POU2F3: variants seen among roughly 807,000 people sequenced by gnomAD.
The protein encoded by POU2F3 is POU domain, class 2, transcription factor 3.
Under a neutral mutation model 59.2 loss-of-function variants are expected in POU2F3, and 23 were observed. The ratio of observed to expected loss-of-function variants is 0.39; its 90% CI spans 0.28 to 0.55. The LOEUF is 0.55. POU2F3 is among the 20% of genes least tolerant of loss of function. The pLI, the probability that POU2F3 is intolerant of heterozygous loss-of-function variation, is 0.66. For missense variants in POU2F3, 473 were observed against 544.5 expected (o/e 0.87, Z 1.31); for synonymous variants, 190 against 214.6 (o/e 0.89, Z 1.00).
At chr11:120,273,216 A>T (rs1325672224) in intron 3 of POU2F3, among the ~76,000 whole-genome samples, 1 of 152,246 alleles carries the variant, frequency 6.6e-6, no homozygotes, top group African/African-American at 2.4e-5. Flanking sequence ...AGAAGGACCC[A>T]GTAGGCTGGA....
rs771045519 is a variant in POU2F3, at chr11:120,309,443, G to A, written c.925G>A (p.Glu309Lys). The A allele has an allele frequency of 6.2e-7, 1 of 1,614,000 alleles. No homozygotes were observed. Among genetic ancestry groups the A allele is most frequent in the Non-Finnish European group, 8.5e-7 (1 of 1,179,904 alleles). ...CCTATAGAACCCAAAACCCAGCTCG[G>A]AGGAGATCTCCATGATTGCAGAGCA... ...RFQDNPKPSS[E>K]EISMIAEQLS... Residue 309 changes from glutamate (E) to lysine (K), a missense_variant, in exon 10 of 13, where the codon GAG becomes AAG. Physicochemically the swap from Glu to Lys is moderately conservative, Grantham distance 56. Transcript: ENST00000543440.
intron 1 of POU2F3, among the ~76,000 whole-genome samples, chr11:120,244,969 A>G (rs1470873631): frequency 2.6e-5 from 4 of 151,974 alleles, no homozygotes; most frequent in East Asian, 1.9e-4. Context: ...GGGTGGGGTA[A>G]GGTTGCAGGT....
In POU2F3 at chr11:120,305,158, G is replaced by A. The variant is rs1043375914; in HGVS notation, c.573G>A (p.Leu191=). 5.6e-6 allele frequency: 9 copies of A among 1,613,732 alleles called. No homozygotes were observed. The African/African-American group carries it at 6.7e-5, about 12-fold the overall frequency. ...ATGAGCCCAGTGACCTCGAGGAGCTGGAGAAGTTTGCCAAGACCTTCAAGC... is the reference window on the plus strand; with the variant it reads ...ATGAGCCCAGTGACCTCGAGGAGCTAGAGAAGTTTGCCAAGACCTTCAAGC... ...GADEPSDLEE[L]EKFAKTFKQR... The change falls in exon 7 of 13, where the codon CTG becomes CTA. Residue 191 remains leucine, a synonymous_variant. Transcript: ENST00000543440.
chr11:120,298,207 A>G, intron 3 of POU2F3, 58 bp from the exon 4 acceptor site: 1 of 1,548,312 alleles, frequency 6.5e-7, no homozygotes, highest in Non-Finnish European at 8.7e-7. Flanking sequence ...TGCCATTTCC[A>G]TCTCTGACTG....
At chr11:120,274,108 A>AAGAAAGGAAGGAAGGAAGG in intron 3 of POU2F3, among the ~76,000 whole-genome samples, 1 of 116,156 alleles carries the variant, frequency 8.6e-6, no homozygotes, top group African/African-American at 3.5e-5. Flanking sequence ...AGGAAGGAAG[A>AAGAAAGGAAGGAAGGAAGG]AAGGAAGGAA....
chr11:120,246,915 T>C (rs1483262825), intron 2 of POU2F3, among the ~76,000 whole-genome samples: 3 of 152,200 alleles, frequency 2.0e-5, no homozygotes, highest in African/African-American at 7.2e-5. Flanking sequence ...GAGGCCTGTG[T>C]ACAAATGTTT....
At chr11:120,295,052 G>C (rs2135271929) in intron 3 of POU2F3, among the ~76,000 whole-genome samples, 1 of 152,298 alleles carries the variant, frequency 6.6e-6, no homozygotes, top group Middle Eastern at 3.4e-3. Flanking sequence ...CACCCAAAGG[G>C]CTTTTCTGCT....
rs1941247667 is a variant in POU2F3 at position 120,298,291 on chromosome 11, C to T, written c.159C>T (p.Ser53=). ...RQIKTEDLSD[S]LQQTLSHRPC... ...TTAAAACCGAAGATCTCAGTGACTCCCTGCAGCAGACCCTCTCCCATCGGC... is the reference window on the plus strand; with the variant it reads ...TTAAAACCGAAGATCTCAGTGACTCTCTGCAGCAGACCCTCTCCCATCGGC... Residue 53 remains serine, a synonymous_variant, in exon 4 of 13, where the codon TCC becomes TCT. Coordinates refer to ENST00000543440, the MANE Select transcript of POU2F3 (RefSeq NM_014352.4). 1 of 1,613,494 alleles carries T rather than the reference C, an allele frequency of 6.2e-7. No individual in the cohort carries two copies. Among genetic ancestry groups the T allele is most frequent in the South Asian group, 1.1e-5 (1 of 91,028 alleles).
At chr11:120,286,691 C>G (rs963702752) in intron 3 of POU2F3, among the ~76,000 whole-genome samples, 1 of 152,108 alleles carries the variant, frequency 6.6e-6, no homozygotes, top group Non-Finnish European at 1.5e-5. Flanking sequence ...TAATGCATCT[C>G]AAGTCTTTTT....
At chr11:120,298,471 C>CGTCT in intron 4 of POU2F3, 81 bp downstream of exon 4, 1 of 1,568,512 alleles carries the variant, frequency 6.4e-7, no homozygotes, top group Non-Finnish European at 8.7e-7. Context: ...GCTTGGTACT[C>CGTCT]GTCTAAAGAA....
At chr11:120,238,436 G>T (rs1006087886), upstream of POU2F3, among the ~76,000 whole-genome samples, 3 of 152,136 alleles carry the variant, frequency 2.0e-5, no homozygotes, top group South Asian at 6.2e-4. Flanking sequence ...GCCCAGCCCT[G>T]TTCTAGGTGC....
chr11:120,276,112 C>T (rs533197297), intron 3 of POU2F3, among the ~76,000 whole-genome samples: 2 of 152,252 alleles, frequency 1.3e-5, no homozygotes, highest in South Asian at 2.1e-4. Flanking sequence ...ACGGAGGGTC[C>T]GTGGTGATGG....
intron 7 of POU2F3, chr11:120,305,438 C>T (rs937285194): frequency 2.2e-5 from 20 of 924,652 alleles, no homozygotes; most frequent in Middle Eastern, 3.5e-4. Flanking sequence ...CTCCTGAGCA[C>T]GTGGGCGTGG....
At chr11:120,255,567 G>T (rs540475729) in intron 2 of POU2F3, among the ~76,000 whole-genome samples, 1 of 152,082 alleles carries the variant, frequency 6.6e-6, no homozygotes, top group Non-Finnish European at 1.5e-5. Flanking sequence ...GAGGAGGGAA[G>T]CGTGGACAAA....
At chr11:120,246,385 C>A in intron 1 of POU2F3, 64 bp from the exon 2 acceptor site, 1 of 1,513,184 alleles carries the variant, frequency 6.6e-7, no homozygotes, top group Non-Finnish European at 9.2e-7. Context: ...TTAGTTAAAG[C>A]CACATATGTC....
chr11:120,244,716 G>A (rs1432585907), intron 1 of POU2F3, among the ~76,000 whole-genome samples: 4 of 152,196 alleles, frequency 2.6e-5, no homozygotes, highest in East Asian at 1.9e-4. Flanking sequence ...GCAGATCTGC[G>A]TTAGGCAATG....
intron 2 of POU2F3, chr11:120,250,374 G>A (rs542767375): frequency 6.6e-6 from 1 of 152,260 alleles, no homozygotes; most frequent in Non-Finnish European, 1.5e-5. Context: ...TCCTCAAGGA[G>A]TTGTCCTTCT....
At chr11:120,299,012 C>A (rs539743893) in intron 4 of POU2F3, among the ~76,000 whole-genome samples, 1 of 152,272 alleles carries the variant, frequency 6.6e-6, no homozygotes, top group African/African-American at 2.4e-5. Flanking sequence ...AGAGCTCTGG[C>A]GTCTCCATTG....
chr11:120,244,768 G>A (rs1480883762), intron 1 of POU2F3, among the ~76,000 whole-genome samples: 2 of 152,236 alleles, frequency 1.3e-5, no homozygotes, highest in African/African-American at 2.4e-5. Flanking sequence ...TGGGAGAGGG[G>A]AGCCCGTTTC....
Sources: allele counts gnomAD v4.1 joint callset (sites outside exome capture counted in the v4.1 genomes callset), GRCh38; gene constraint gnomAD v4.1.1; transcripts MANE v1.5; gene names NCBI Gene and HGNC (gene_info 2026-07-23, HGNC 2026-07-21).